TTC23: variants seen among roughly 807,000 people sequenced by gnomAD.
TTC23 encodes the protein tetratricopeptide repeat domain 23, also known as tetratricopeptide repeat protein 23.
Under a neutral mutation model 55.1 loss-of-function variants are expected in TTC23, and 58 were observed. The observed-to-expected ratio is 1.05, with a 90% CI of 0.85 to 1.31. The LOEUF is 1.31. Among genes scored for constraint, TTC23 ranks in the 50% most tolerant of loss-of-function variants. The pLI, the probability that TTC23 is intolerant of heterozygous loss-of-function variation, is 0.00. For synonymous variants in TTC23, 203 were observed against 199.9 expected (o/e 1.02, Z -0.13); for missense variants, 516 against 534.4 (o/e 0.97, Z 0.34).
At chr15:99,199,861 T>C (rs1415715302) in intron 9 of TTC23, 58 bp downstream of exon 9, 14 of 1,497,498 alleles carry the variant, frequency 9.3e-6, no homozygotes, top group Non-Finnish European at 1.2e-5. Context: ...GTGCCACTTG[T>C]GTCTATGAAA....
chr15:99,208,117 A>G (rs1450470566), intron 8 of TTC23, among the ~76,000 whole-genome samples: 3 of 152,206 alleles, frequency 2.0e-5, no homozygotes, highest in East Asian at 3.8e-4. Flanking sequence ...ATTACACACC[A>G]TATGGAGGTC....
intron 10 of TTC23, among the ~76,000 whole-genome samples, chr15:99,174,696 A>G (rs1174918327): frequency 6.6e-6 from 1 of 152,232 alleles, no homozygotes; most frequent in Non-Finnish European, 1.5e-5. Flanking sequence ...CGGCTGGCCC[A>G]GAGGCCAGAG....
chr15:99,226,978 T>A (rs1288926903), intron 5 of TTC23, among the ~76,000 whole-genome samples: 3 of 152,244 alleles, frequency 2.0e-5, no homozygotes, highest in African/African-American at 7.2e-5. Flanking sequence ...CAACGAAATG[T>A]TTAATACCAT....
chr15:99,139,351 G>C lies in TTC23; in HGVS notation c.1192C>G (p.Leu398Val). The C allele has an allele frequency of 6.2e-7, 1 of 1,613,970 alleles. No individual in the cohort carries two copies. The highest frequency in any genetic ancestry group is 8.5e-7 in the Non-Finnish European group (1 of 1,180,032). ...ATGCCCATGGCCTGCTGGGTGGCCA[G>C]AGTCCTTTTGTCCTGCGGTCCATAT... is the stretch of plus-strand genomic sequence containing the variant. ...LLYGPQDKRT[L>V]ATQQAMGMLS... The change falls in exon 13 of 14, where the codon CTG becomes GTG. Residue 398 changes from leucine to valine, a missense_variant. Physicochemically the swap from Leu to Val is conservative, Grantham distance 32. Coordinates refer to ENST00000394132, the MANE Select transcript of TTC23 (RefSeq NM_001288615.3).
At chr15:99,210,034 G>A (rs150649419) in intron 8 of TTC23, among the ~76,000 whole-genome samples, 156 of 152,216 alleles carry the variant, frequency 1.0e-3, no homozygotes, top group South Asian at 2.3e-3. Context: ...GGGATTACAG[G>A]TGTAAGTCAC....
At position 99,138,045 on chromosome 15, in the gene TTC23, G is replaced by A; in HGVS notation, c.1309C>T (p.Leu437=). 6.2e-7 allele frequency: 1 copy of A among 1,614,120 alleles called. No individual in the cohort carries two copies. The highest frequency in any genetic ancestry group is 8.5e-7 in the Non-Finnish European group (1 of 1,180,032). Residue 437 remains leucine, a synonymous_variant, in exon 14 of 14, where the codon CTG becomes TTG. Transcript: ENST00000394132. The part of the protein sequence containing the change: ...FCTSIPQDTL[L]GKARPGTTAD ...GTTGTGCCGGGCCGGGCCTTCCCCA[G>A]CAGGGTGTCCTGAGGGATGCTGGTG...
At chr15:99,202,172 C>T (rs2076253459) in intron 8 of TTC23, among the ~76,000 whole-genome samples, 1 of 152,102 alleles carries the variant, frequency 6.6e-6, no homozygotes, top group South Asian at 2.1e-4. Context: ...AGTTTGCTGA[C>T]CTCTGGTCTA....
intron 10 of TTC23, among the ~76,000 whole-genome samples, chr15:99,171,158 C>T (rs575662833): frequency 2.4e-4 from 37 of 152,316 alleles, no homozygotes; most frequent in Admixed American, 1.9e-3. Flanking sequence ...TCTGGCTCTT[C>T]GCTTAGCATT....
chr15:99,168,756 G>GAC (rs2072505386), intron 10 of TTC23, among the ~76,000 whole-genome samples: 1 of 152,148 alleles, frequency 6.6e-6, no homozygotes, highest in African/African-American at 2.4e-5. Context: ...CTTGGGTGGG[G>GAC]AACAGGCCTC....
chr15:99,180,901 A>G (rs954784417), intron 9 of TTC23, among the ~76,000 whole-genome samples: 8 of 152,200 alleles, frequency 5.3e-5, no homozygotes, highest in Admixed American at 1.3e-4. Context: ...ACTTAGTCAC[A>G]GCCAGGATCT....
rs976612186 is a variant in TTC23, at chr15:99,180,359, C to A, written c.760-5204G>T. Among the ~76,000 whole-genome samples, 388 of 145,116 alleles carry A rather than the reference C, an allele frequency of 2.7e-3. 2 individuals are homozygous for A. Among genetic ancestry groups the A allele is most frequent in the African/African-American group, 7.6e-3 (301 of 39,456 alleles). ...GGTCATTAATTAAAAAAAAAAAAAA[C>A]AAAACTCATCCACAAGACCAAGGAC... On this transcript the variant is annotated intron_variant, in intron 9 of 13. Coordinates refer to ENST00000394132, the MANE Select transcript of TTC23 (RefSeq NM_001288615.3).
intron 12 of TTC23, 140 bp downstream of exon 12, chr15:99,156,008 C>A (rs1459625319): frequency 3.7e-5 from 42 of 1,143,230 alleles, no homozygotes; most frequent in Non-Finnish European, 8.7e-6. Flanking sequence ...CAGGTTAGAT[C>A]TACCACAAAA....
intron 9 of TTC23, among the ~76,000 whole-genome samples, chr15:99,192,321 C>T (rs922677819): frequency 1.1e-4 from 16 of 152,230 alleles, no homozygotes; most frequent in Middle Eastern, 3.4e-3. Flanking sequence ...GAGACCTTTG[C>T]ACAGTCCCTC....
chr15:99,205,387 G>A (rs919904617), intron 8 of TTC23, among the ~76,000 whole-genome samples: 12 of 152,074 alleles, frequency 7.9e-5, no homozygotes, highest in Admixed American at 2.0e-4. Context: ...GCTTTGGGTC[G>A]TAGGCACATT....
At chr15:99,202,209 A>G (rs2076255865) in intron 8 of TTC23, among the ~76,000 whole-genome samples, 1 of 152,230 alleles carries the variant, frequency 6.6e-6, no homozygotes, top group African/African-American at 2.4e-5. Context: ...ACATACTTCT[A>G]AAATGATTTC....
chr15:99,203,630 C>T (rs942914405), intron 8 of TTC23, among the ~76,000 whole-genome samples: 23 of 152,088 alleles, frequency 1.5e-4, no homozygotes, highest in Non-Finnish European at 4.4e-5. Context: ...CCACTCCCTA[C>T]TCCCCTTCAA....
chr15:99,241,985 A>C (rs1261593812), intron 2 of TTC23, among the ~76,000 whole-genome samples: 2 of 152,298 alleles, frequency 1.3e-5, no homozygotes, highest in African/African-American at 4.8e-5. Context: ...AATTGCAAAA[A>C]TTAGCCGAGT....
intron 12 of TTC23, among the ~76,000 whole-genome samples, chr15:99,143,680 A>C (rs1221749432): frequency 1.3e-5 from 2 of 152,216 alleles, no homozygotes; most frequent in African/African-American, 4.8e-5. Context: ...GGTTGTGAGA[A>C]GTCACTTGTG....
chr15:99,138,383 G>A (rs1025185255), intron 13 of TTC23, among the ~76,000 whole-genome samples: 6 of 151,480 alleles, frequency 4.0e-5, no homozygotes, highest in Non-Finnish European at 7.4e-5. Flanking sequence ...GCCCCATCTC[G>A]GCTCCCTGCA....
Sources: gnomAD v4.1 joint callset for allele counts (sites outside exome capture counted in the v4.1 genomes callset) on GRCh38, gnomAD v4.1.1 for gene constraint, MANE v1.5 for transcripts, NCBI Gene and HGNC (gene_info 2026-07-23, HGNC 2026-07-21) for gene names.